Variants in CNRIP1 observed in about 807,000 individuals in gnomAD.
The protein encoded by CNRIP1 is CB1 cannabinoid receptor-interacting protein 1.
A neutral mutation model predicts 15.2 loss-of-function variants in CNRIP1; 10 were observed. The observed-to-expected ratio is 0.66, with a 90% CI of 0.41 to 1.12. The LOEUF is 1.12. Among genes scored for constraint, CNRIP1 ranks in the 50% most tolerant of loss-of-function variants. The pLI is 0.00. For missense variants in CNRIP1, 211 were observed against 214.7 expected, an observed-to-expected ratio of 0.98 and a Z score of 0.11; for synonymous variants, 91 against 83.2, an observed-to-expected ratio of 1.09 and a Z score of -0.51.
chr2:68,303,019 T>C lies in CNRIP1; in HGVS notation c.331-8993A>G, dbSNP rs4671895. 4.7e-4 allele frequency among the ~76,000 whole-genome samples: 71 copies of C among 152,042 alleles called. 1 individual carries two copies. The East Asian group carries it at 0.011, about 24-fold the overall frequency. On this transcript the variant is annotated intron_variant, in intron 2 of 2. Coordinates refer to ENST00000263655, the MANE Select transcript of CNRIP1 (RefSeq NM_015463.3). ...CCCGCTACCTCGCCCGGCTAATTTT[T>C]TGTATTTTTAGTAGAGACGGGGTTT...
At chr2:68,303,069 G>A (rs781606415) in intron 2 of CNRIP1, among the ~76,000 whole-genome samples, 25 of 150,064 alleles carry the variant, frequency 1.7e-4, no homozygotes, top group South Asian at 2.2e-4. Context: ...GGATGGTCTC[G>A]ATCTCCTGAC....
chr2:68,289,473 C>T (rs556480265), downstream of CNRIP1, among the ~76,000 whole-genome samples: 1 of 151,858 alleles, frequency 6.6e-6, no homozygotes, highest in East Asian at 1.9e-4. Context: ...AAATGTATCG[C>T]TCCTTTTCTT....
intron 2 of CNRIP1, among the ~76,000 whole-genome samples, chr2:68,285,388 C>T (rs577250872): frequency 6.6e-6 from 1 of 152,290 alleles, no homozygotes; most frequent in African/African-American, 2.4e-5. Flanking sequence ...TGTCTTCATA[C>T]AATCAATCTT....
At position 68,293,717 on chromosome 2, in the gene CNRIP1, A is replaced by G. The variant is rs1041997076; in HGVS notation, c.*145T>C. 4.9e-6 allele frequency: 7 copies of G among 1,435,514 alleles called. No individual in the cohort carries two copies. Among genetic ancestry groups the G allele is most frequent in the Non-Finnish European group, 4.6e-6 (5 of 1,093,598 alleles). 88.9% of individuals were successfully genotyped at this position (1,435,514 alleles called of 1,614,324 possible). ...GGATATTGTGTCAGAGGGGAATTAC[A>G]CTTTCAAAATAACCAGGGCTAGTAG... On this transcript the variant is annotated 3_prime_UTR_variant, in exon 3 of 3. Coordinates refer to ENST00000263655, the MANE Select transcript of CNRIP1 (RefSeq NM_015463.3).
chr2:68,318,838 C>T (rs994618327), intron 1 of CNRIP1, among the ~76,000 whole-genome samples: 4 of 152,246 alleles, frequency 2.6e-5, no homozygotes, highest in African/African-American at 9.6e-5. Flanking sequence ...CGCAGGAGGG[C>T]TGGGATTGCG....
At chr2:68,297,125 A>G (rs957316318) in intron 2 of CNRIP1, among the ~76,000 whole-genome samples, 1 of 152,232 alleles carries the variant, frequency 6.6e-6, no homozygotes, top group Non-Finnish European at 1.5e-5. Context: ...TTACCAGAAA[A>G]AAAATTAAAC....
exon 3 of CNRIP1, chr2:68,284,216 TAA>T (rs1010116351): frequency 7.9e-6 from 3 of 380,304 alleles, no homozygotes; most frequent in African/African-American, 6.2e-5. Context: ...CTAAAGTGCT[TAA>T]TAAAATGCAG....
At chr2:68,287,610 A>G (rs777171752) in intron 2 of CNRIP1, among the ~76,000 whole-genome samples, 6 of 152,260 alleles carry the variant, frequency 3.9e-5, no homozygotes, top group African/African-American at 7.2e-5. Context: ...AATCATCTTG[A>G]AAGTGGCTAT....
chr2:68,314,285 A>G (rs1246253671), intron 2 of CNRIP1, among the ~76,000 whole-genome samples: 2 of 152,136 alleles, frequency 1.3e-5, no homozygotes, highest in Non-Finnish European at 2.9e-5. Context: ...TTGCTGATAA[A>G]GCAAGCAAAT....
intron 2 of CNRIP1, among the ~76,000 whole-genome samples, chr2:68,305,807 AAAC>A (rs1671819913): frequency 6.7e-6 from 1 of 148,596 alleles, no homozygotes; most frequent in African/African-American, 2.5e-5. Context: ...AAAAAAAAAA[AAAC>A]ACACACACAC....
intron 2 of CNRIP1, among the ~76,000 whole-genome samples, chr2:68,295,954 T>C (rs904487467): frequency 6.6e-6 from 1 of 152,202 alleles, no homozygotes; most frequent in Non-Finnish European, 1.5e-5. Context: ...AGAAAACAGG[T>C]ATTCTAAATG....
intron 2 of CNRIP1, among the ~76,000 whole-genome samples, chr2:68,309,774 A>G (rs771815825): frequency 3.3e-5 from 5 of 152,222 alleles, no homozygotes; most frequent in Non-Finnish European, 5.9e-5. Flanking sequence ...AGATCTGCAG[A>G]AGGAATAGAA....
At chr2:68,303,261 C>T (rs186164176) in intron 2 of CNRIP1, among the ~76,000 whole-genome samples, 205 of 152,342 alleles carry the variant, frequency 1.3e-3, no homozygotes, top group Non-Finnish European at 2.0e-3. Context: ...TAAAGCAGAA[C>T]TGCAAATACT....
At chr2:68,308,969 T>G (rs952474446) in intron 2 of CNRIP1, among the ~76,000 whole-genome samples, 1 of 152,042 alleles carries the variant, frequency 6.6e-6, no homozygotes, top group Non-Finnish European at 1.5e-5. Context: ...AGAAATATTC[T>G]CAGTTTCCCA....
intron 2 of CNRIP1, among the ~76,000 whole-genome samples, chr2:68,306,300 G>A (rs958356529): frequency 6.9e-6 from 1 of 144,428 alleles, no homozygotes; most frequent in African/African-American, 2.6e-5. Flanking sequence ...ATAACAGCCT[G>A]GTAATAGTGA....
chr2:68,311,458 A>C (rs1396114312), intron 2 of CNRIP1, among the ~76,000 whole-genome samples: 2 of 152,116 alleles, frequency 1.3e-5, no homozygotes, highest in East Asian at 3.8e-4. Flanking sequence ...AGGGTATAAA[A>C]ATAAAAATTT....
At chr2:68,311,166 A>C (rs1428234855) in intron 2 of CNRIP1, among the ~76,000 whole-genome samples, 4 of 151,854 alleles carry the variant, frequency 2.6e-5, no homozygotes, top group African/African-American at 9.7e-5. Flanking sequence ...TGGTGAAAAC[A>C]TTAACCTCTA....
At chr2:68,286,317 AACACACACAC>A (rs3039882) in intron 2 of CNRIP1, among the ~76,000 whole-genome samples, 24 of 149,622 alleles carry the variant, frequency 1.6e-4, no homozygotes, top group African/African-American at 5.9e-4. Flanking sequence ...GGACCTTACG[AACACACACAC>A]ACACACACAC....
chr2:68,314,085 TG>T (rs981351260), intron 2 of CNRIP1, among the ~76,000 whole-genome samples: 28 of 152,238 alleles, frequency 1.8e-4, no homozygotes, highest in Admixed American at 4.6e-4. Context: ...ATAAGACCCT[TG>T]GTATATACTC....
Sources: gnomAD v4.1 joint callset for allele counts (sites outside exome capture counted in the v4.1 genomes callset) on GRCh38, gnomAD v4.1.1 for gene constraint, MANE v1.5 for transcripts, NCBI Gene and HGNC (gene_info 2026-07-23, HGNC 2026-07-21) for gene names.